The following CDKAL1 variants were observed in gnomAD, a reference collection of about 807,000 sequenced individuals.
The protein encoded by CDKAL1 is threonylcarbamoyladenosine tRNA methylthiotransferase.
A neutral mutation model predicts 68.2 loss-of-function variants in CDKAL1; 32 were observed. The ratio of observed to expected loss-of-function variants is 0.47; its 90% CI spans 0.35 to 0.63. The LOEUF is 0.63. Among genes scored for constraint, CDKAL1 ranks in the 30% least tolerant of loss-of-function variants. The pLI, the probability that CDKAL1 is intolerant of heterozygous loss-of-function variation, is 0.00. For synonymous variants in CDKAL1, 234 were observed against 244.3 expected (o/e 0.96, Z 0.39); for missense variants, 606 against 696.7 (o/e 0.87, Z 1.47).
In CDKAL1 at chr6:20,537,614, C is replaced by CA. The variant is rs543824204; in HGVS notation, c.-6+2237dup. Among the ~76,000 whole-genome samples the CA allele has an allele frequency of 9.8e-3, 1,174 of 120,204 alleles. 10 individuals are homozygous for CA. The highest frequency in any genetic ancestry group is 0.025 in the African/African-American group (904 of 36,012). 78.9% of individuals were successfully genotyped at this position (120,204 alleles called of 152,430 possible). A position where few individuals can be genotyped will look rare whatever the true frequency, so the allele number is the denominator to read the frequency against. ...AGAGTGAAACTCTGTCTCATAATTACAAAAAAAAAAAAAAAAAGCCTCCCT... is the reference window on the plus strand; with the variant it reads ...AGAGTGAAACTCTGTCTCATAATTACAAAAAAAAAAAAAAAAAAGCCTCCCT... On this transcript the variant is annotated intron_variant, in intron 2 of 15. Coordinates refer to ENST00000274695, the MANE Select transcript of CDKAL1 (RefSeq NM_017774.3).
At chr6:20,691,057 G>T (rs570362740) in intron 5 of CDKAL1, among the ~76,000 whole-genome samples, 3 of 152,114 alleles carry the variant, frequency 2.0e-5, no homozygotes, top group Non-Finnish European at 2.9e-5. Flanking sequence ...CAGGTAATAG[G>T]CAATAATGAC....
intron 4 of CDKAL1, among the ~76,000 whole-genome samples, chr6:20,584,084 A>G (rs1282812608): frequency 6.9e-6 from 1 of 145,474 alleles, no homozygotes; most frequent in Non-Finnish European, 1.5e-5. Flanking sequence ...CTCATATTTC[A>G]CATTTGATTT....
chr6:21,168,107 C>T (rs150391611), intron 13 of CDKAL1, among the ~76,000 whole-genome samples: 8 of 152,254 alleles, frequency 5.3e-5, no homozygotes, highest in African/African-American at 9.6e-5. Flanking sequence ...GCATGCTGAC[C>T]GGTGGCTTGA....
intron 7 of CDKAL1, among the ~76,000 whole-genome samples, chr6:20,766,901 TGAAAAA>T (rs1217160884): frequency 6.6e-6 from 1 of 152,142 alleles, no homozygotes; most frequent in Non-Finnish European, 1.5e-5. Context: ...AATTATTTAG[TGAAAAA>T]GAAAAATACC....
At chr6:20,705,525 A>G (rs1771555480) in intron 5 of CDKAL1, among the ~76,000 whole-genome samples, 1 of 152,236 alleles carries the variant, frequency 6.6e-6, no homozygotes. Flanking sequence ...TAAATACCAT[A>G]TAAAGACAAG....
intron 10 of CDKAL1, among the ~76,000 whole-genome samples, chr6:20,997,899 A>T (rs550814796): frequency 2.0e-5 from 3 of 152,236 alleles, no homozygotes; most frequent in South Asian, 4.1e-4. Flanking sequence ...GAAAAAAAAT[A>T]AAAAATTAGA....
intron 5 of CDKAL1, among the ~76,000 whole-genome samples, chr6:20,734,728 A>C (rs1156250935): frequency 5.3e-5 from 8 of 152,178 alleles, no homozygotes; most frequent in African/African-American, 2.4e-5. Context: ...AAAAATAATG[A>C]AATAATTTTT....
chr6:21,009,241 T>G (rs937222411), intron 11 of CDKAL1, among the ~76,000 whole-genome samples: 11 of 152,192 alleles, frequency 7.2e-5, no homozygotes, highest in African/African-American at 2.4e-4. Flanking sequence ...CAAATTTTAT[T>G]TATTGCTATT....
At chr6:21,144,609 A>G (rs1442745460) in intron 13 of CDKAL1, among the ~76,000 whole-genome samples, 1 of 146,140 alleles carries the variant, frequency 6.8e-6, no homozygotes, top group Non-Finnish European at 1.5e-5. Context: ...ACATGGTGAA[A>G]CCCCATCTCT....
intron 11 of CDKAL1, among the ~76,000 whole-genome samples, chr6:21,016,667 T>C (rs1768356876): frequency 6.7e-6 from 1 of 148,246 alleles, no homozygotes; most frequent in African/African-American, 2.5e-5. Flanking sequence ...CATCCATCCA[T>C]CCATCTTACT....
chr6:20,781,390 G>T, intron 8 of CDKAL1, 125 bp downstream of exon 8: 2 of 765,520 alleles, frequency 2.6e-6, no homozygotes, highest in Non-Finnish European at 4.1e-6. Flanking sequence ...ATTACAAAAT[G>T]TGCTCAAATA....
At position 20,546,522 on chromosome 6, in the gene CDKAL1, A is replaced by G. The variant is rs762063007; in HGVS notation, c.172A>G (p.Ser58Gly). The change falls in exon 3 of 16, where the codon AGC becomes GGC. Residue 58 changes from serine to glycine, a missense_variant and splice_region_variant. Ser to Gly is a moderately conservative substitution (Grantham distance 56). Coordinates refer to ENST00000274695, the MANE Select transcript of CDKAL1 (RefSeq NM_017774.3). ...QEEENSPPSD[S>G]TIPGIQKIWI... The stretch of plus-strand genomic sequence containing the variant: ...GGAAGAAAACAGTCCACCAAGTGAC[A>G]GGTAAGCTTTTTTCCTTGAAATTAT... 2 of 1,611,048 alleles carry G rather than the reference A, an allele frequency of 1.2e-6. No individual in the cohort carries two copies. Among genetic ancestry groups the G allele is most frequent in the African/African-American group, 1.3e-5 (1 of 74,668 alleles).
intron 5 of CDKAL1, among the ~76,000 whole-genome samples, chr6:20,728,742 G>A (rs1017957994): frequency 1.3e-5 from 2 of 152,094 alleles, no homozygotes; most frequent in African/African-American, 2.4e-5. Flanking sequence ...CATGTACTCC[G>A]ATTATCTGAG....
chr6:21,230,811 C>G, intron 15 of CDKAL1, 37 bp from the exon 16 acceptor site: 2 of 1,511,516 alleles, frequency 1.3e-6, no homozygotes, highest in Non-Finnish European at 1.8e-6. Flanking sequence ...TTCTCTGCAT[C>G]TAAAAATAAT....
At chr6:20,568,949 C>T (rs545550662) in intron 4 of CDKAL1, among the ~76,000 whole-genome samples, 1 of 152,120 alleles carries the variant, frequency 6.6e-6, no homozygotes, top group South Asian at 2.1e-4. Context: ...TCTCATTAGA[C>T]TGATCTTGAG....
chr6:20,925,236 T>C (rs372705826), intron 9 of CDKAL1, among the ~76,000 whole-genome samples: 20 of 152,358 alleles, frequency 1.3e-4, no homozygotes, highest in African/African-American at 4.8e-4. Flanking sequence ...CAATAAAGTA[T>C]TTTAAAATCA....
At position 20,789,613 on chromosome 6, in the gene CDKAL1, G is replaced by T. The variant is rs528473214; in HGVS notation, c.638+8348G>T. On this transcript the variant is annotated intron_variant, in intron 8 of 15. Coordinates refer to ENST00000274695, the MANE Select transcript of CDKAL1 (RefSeq NM_017774.3). ...TTCTAGCATGTTGTAGGATTCTATT[G>T]CCCTTTCTAAAAAGTACATCTTGCT... Among the ~76,000 whole-genome samples, 7 of 152,200 alleles carry T rather than the reference G, an allele frequency of 4.6e-5. No homozygotes were observed. The South Asian group carries it at 1.2e-3, about 27-fold the overall frequency.
intron 13 of CDKAL1, among the ~76,000 whole-genome samples, chr6:21,143,544 G>T (rs1268637764): frequency 6.6e-6 from 1 of 152,128 alleles, no homozygotes; most frequent in Non-Finnish European, 1.5e-5. Context: ...GTTAGAAATT[G>T]ATATTTTATT....
rs1414906676 is a variant in CDKAL1 at position 21,036,974 on chromosome 6, G to T, written c.1056-28074G>T. Among the ~76,000 whole-genome samples the T allele has an allele frequency of 2.0e-5, 3 of 152,158 alleles. No homozygotes were observed. The East Asian group carries it at 5.8e-4, about 29-fold the overall frequency. On this transcript the variant is annotated intron_variant, in intron 11 of 15. Transcript: ENST00000274695. ...GTAGCGAGAGGAGATTAGACAAGAGGATTCGGATTATCATGGGCCTTATTT... is the reference window on the plus strand; with the variant it reads ...GTAGCGAGAGGAGATTAGACAAGAGTATTCGGATTATCATGGGCCTTATTT...
Sources: gnomAD v4.1 joint callset for allele counts (sites outside exome capture counted in the v4.1 genomes callset) on GRCh38, gnomAD v4.1.1 for gene constraint, MANE v1.5 for transcripts, NCBI Gene and HGNC (gene_info 2026-07-23, HGNC 2026-07-21) for gene names.